The following PLPPR3 variants were observed in gnomAD, a reference collection of about 807,000 sequenced individuals.
The protein encoded by PLPPR3 is phospholipid phosphatase-related protein type 3.
PLPPR3 carries 14 observed loss-of-function variants against 27.3 expected under a neutral mutation model. That is an observed-to-expected ratio of 0.51 (90% CI 0.34 to 0.80). The LOEUF (loss-of-function observed/expected upper bound fraction) is 0.80, where lower values mean the gene tolerates loss of function less well. Ranked by LOEUF, PLPPR3 falls within the 30% of genes least tolerant of loss-of-function variation. The probability of loss-of-function intolerance (pLI) is 0.01; values close to 1 mark genes in which losing one functional copy is unlikely to be tolerated. For missense variants in PLPPR3, 1,287 were observed against 1,056.9 expected, an observed-to-expected ratio of 1.22 and a Z score of -3.02; for synonymous variants, 671 against 508.0, an observed-to-expected ratio of 1.32 and a Z score of -4.32.
At chr19:820,128 G>A (rs1345774057) in intron 2 of PLPPR3, among the ~76,000 whole-genome samples, 2 of 151,974 alleles carry the variant, frequency 1.3e-5, no homozygotes, top group Admixed American at 6.6e-5. Flanking sequence ...GATCACAGGC[G>A]TGAGCCACCA....
At chr19:822,153 G>C (rs1452239375), upstream of PLPPR3, among the ~76,000 whole-genome samples, 1 of 151,720 alleles carries the variant, frequency 6.6e-6, no homozygotes, top group Non-Finnish European at 1.5e-5. Context: ...GGGGGTCTCG[G>C]GGGTCTCAGG....
At position 812,818 on chromosome 19, in the gene PLPPR3, C is replaced by A. The variant is rs933075436; in HGVS notation, c.1909G>T (p.Val637Leu). 2 of 1,104,906 alleles carry A rather than the reference C, an allele frequency of 1.8e-6. No individual in the cohort carries two copies. Among genetic ancestry groups the A allele is most frequent in the Non-Finnish European group, 2.2e-6 (2 of 905,526 alleles). The allele number at this position is 1,104,906 out of a possible 1,614,324, so 68.4% of individuals were successfully genotyped here. The stretch of plus-strand genomic sequence containing the variant: ...TCGCTGACCGACGAGCCGGGGGACA[C>A]GCCCGGGGGCTTGGCCCCGCCGCGG... ...GFRGGAKPPG[V>L]SPGSSVSDVD... is the part of the protein sequence containing the mutation. The change falls in exon 8 of 8, where the codon GTG becomes TTG. Residue 637 changes from valine to leucine, a missense_variant. By Grantham distance (32) the Val-to-Leu change is conservative. Transcript: ENST00000520876.
chr19:813,049 A>C lies in PLPPR3; in HGVS notation c.1678T>G (p.Ser560Ala). ...TGCGAGGAGTCGGAGCTGGCGCTGG[A>C]CGACGACGCCGTCTCGGCCGCCTTG... ...GPKAAETASS[S>A]SASSDSSQYR... The change falls in exon 8 of 8, where the codon TCC becomes GCC. Residue 560 changes from serine (S) to alanine (A), a missense_variant. Ser to Ala is a moderately conservative substitution (Grantham distance 99). Transcript: ENST00000520876. This position sits in a 1 kb window ranked among gnomAD's most constrained non-coding sequence, Gnocchi z 4.1. The C allele has an allele frequency of 6.6e-7, 1 of 1,508,272 alleles. No homozygotes were observed. The highest frequency in any genetic ancestry group is 8.8e-7 in the Non-Finnish European group (1 of 1,137,980). 93.4% of individuals were successfully genotyped at this position (1,508,272 alleles called of 1,614,324 possible).
At chr19:815,892 C>G (rs748419103) in intron 2 of PLPPR3, 41 bp from the exon 3 acceptor site, 2 of 1,594,002 alleles carry the variant, frequency 1.3e-6, no homozygotes, top group African/African-American at 2.7e-5. Context: ...TGCTCTCCCT[C>G]GCGGAGGCGT....
At chr19:822,404 A>G (rs866871478), upstream of PLPPR3, among the ~76,000 whole-genome samples, 1 of 151,442 alleles carries the variant, frequency 6.6e-6, no homozygotes. Context: ...CCCTCCGCGG[A>G]GCCCGCCGCT....
At chr19:823,244 C>A (rs911312171), upstream of PLPPR3, among the ~76,000 whole-genome samples, 1 of 152,018 alleles carries the variant, frequency 6.6e-6, no homozygotes. Flanking sequence ...GAGTTCCAGA[C>A]CAGCCTGGCC....
At chr19:817,590 T>C (rs1206400843) in intron 2 of PLPPR3, among the ~76,000 whole-genome samples, 1 of 152,202 alleles carries the variant, frequency 6.6e-6, no homozygotes, top group African/African-American at 2.4e-5. Context: ...CCAGTCGTAA[T>C]TTCTGCCTTG....
At chr19:818,725 G>A (rs1318846973) in intron 2 of PLPPR3, among the ~76,000 whole-genome samples, 1 of 151,972 alleles carries the variant, frequency 6.6e-6, no homozygotes, top group African/African-American at 2.4e-5. Flanking sequence ...AGTAGAGACG[G>A]GGTTTCACCG....
At chr19:821,765 T>G in intron 1 of PLPPR3, 150 bp downstream of exon 1, 55 of 292,410 alleles carry the variant, frequency 1.9e-4, no homozygotes, top group Non-Finnish European at 2.5e-4. Flanking sequence ...ACACCCGGGA[T>G]CGGGGGGTCG....
At position 814,593 on chromosome 19, in the gene PLPPR3, C is replaced by G; in HGVS notation, c.672G>C (p.Ser224=). 1 of 1,612,072 alleles carries G rather than the reference C, an allele frequency of 6.2e-7. No individual in the cohort carries two copies. Among genetic ancestry groups the G allele is most frequent in the Non-Finnish European group, 8.5e-7 (1 of 1,179,988 alleles). ...GCAGCTTGGTGGTGTCCGAGATGACCGAGTTGAAGTACATCTGGGGCATGG... is the reference window on the plus strand; with the variant it reads ...GCAGCTTGGTGGTGTCCGAGATGACGGAGTTGAAGTACATCTGGGGCATGG... ...AAVYVSMYFN[S]VISDTTKLLK... is the part of the protein sequence containing the mutation. The change falls in exon 7 of 8, where the codon TCG becomes TCC. Residue 224 remains serine (S), a synonymous_variant. Coordinates refer to ENST00000520876, the MANE Select transcript of PLPPR3 (RefSeq NM_001270366.2).
At chr19:814,850 A>C (rs763422019) in intron 5 of PLPPR3, 36 bp downstream of exon 5, 6 of 1,595,380 alleles carry the variant, frequency 3.8e-6, no homozygotes, top group Admixed American at 1.7e-5. Flanking sequence ...GGGCGGAAGA[A>C]GGCTCCCAGT....
upstream of PLPPR3, among the ~76,000 whole-genome samples, chr19:823,067 C>G (rs1325885568): frequency 2.6e-5 from 4 of 151,240 alleles, no homozygotes; most frequent in East Asian, 7.8e-4. Flanking sequence ...TGCAGTGAGC[C>G]GAGATCGTGC....
chr19:821,530 G>A lies in PLPPR3; in HGVS notation c.30C>T (p.Ile10=). The A allele has an allele frequency of 6.6e-6, 10 of 1,508,468 alleles. No homozygotes were observed. Among genetic ancestry groups the A allele is most frequent in the African/African-American group, 1.5e-5 (1 of 68,866 alleles). 93.4% of individuals were successfully genotyped at this position (1,508,468 alleles called of 1,614,324 possible). The stretch of plus-strand genomic sequence containing the variant: ...GCAGAAGCGTCATGCTGTCCTTCGG[G>A]ATCTTGTTCTTCTCCTTGGTGGAGA... MISTKEKNK[I]PKDSMTLLPC... Residue 10 remains isoleucine (I), a synonymous_variant, in exon 2 of 8, where the codon ATC becomes ATT. Transcript: ENST00000520876.
chr19:818,185 C>T (rs939971177), intron 2 of PLPPR3, among the ~76,000 whole-genome samples: 1 of 152,060 alleles, frequency 6.6e-6, no homozygotes, highest in African/African-American at 2.4e-5. Context: ...GAGTTTGAGA[C>T]CAGCCTGGCC....
rs767810908 is a variant in PLPPR3, at chr19:813,533, C to T, written c.1194G>A (p.Pro398=). 18 of 1,561,744 alleles carry T rather than the reference C, an allele frequency of 1.2e-5. No homozygotes were observed. Among genetic ancestry groups the T allele is most frequent in the Non-Finnish European group, 1.6e-5 (18 of 1,155,584 alleles). The change falls in exon 8 of 8, where the codon CCG becomes CCA. Residue 398 remains proline, a synonymous_variant. Transcript: ENST00000520876. This position sits in a 1 kb window ranked among gnomAD's most constrained non-coding sequence, Gnocchi z 4.1. ...GCTGCTTGGAGCGCGAGGCGTCCAG[C>T]GGCACGTGGATGGTCATGTGGCGGC... ...PARRHMTIHV[P]LDASRSKQLI...
In PLPPR3 at chr19:813,655, G is replaced by A; in HGVS notation, c.1072C>T (p.Leu358=). ...SLKRASVDVD[L]LAPRSPMAKE... is the part of the protein sequence containing the mutation. ...GCCATGGGGCTGCGCGGGGCCAGCA[G>A]GTCCACGTCCACGCTGGCGCGCTTC... is the stretch of plus-strand genomic sequence containing the variant. The change falls in exon 8 of 8, where the codon CTG becomes TTG. Residue 358 remains leucine, a synonymous_variant. Coordinates refer to ENST00000520876, the MANE Select transcript of PLPPR3 (RefSeq NM_001270366.2). This position sits in a 1 kb window ranked among gnomAD's most constrained non-coding sequence, Gnocchi z 4.1. 1 of 1,537,086 alleles carries A rather than the reference G, an allele frequency of 6.5e-7. No individual in the cohort carries two copies. Among genetic ancestry groups the A allele is most frequent in the African/African-American group, 1.4e-5 (1 of 72,842 alleles).
At position 815,166 on chromosome 19, in the gene PLPPR3, G is replaced by T; in HGVS notation, c.403+20C>A. 6.2e-7 allele frequency: 1 copy of T among 1,602,288 alleles called. No individual in the cohort carries two copies. On this transcript the variant is annotated intron_variant, in intron 4 of 7. Coordinates refer to ENST00000520876, the MANE Select transcript of PLPPR3 (RefSeq NM_001270366.2). Reference sequence around the variant, plus strand: ...TGCATGTGGAGGTAGCTCAGGGTCGGGGCGCGTCCCGCAACTCACCCACAA... The same window carrying T: ...TGCATGTGGAGGTAGCTCAGGGTCGTGGCGCGTCCCGCAACTCACCCACAA...
At position 812,615 on chromosome 19, in the gene PLPPR3, G is replaced by GGCCTCC. The variant is rs904605825; in HGVS notation, c.2106_2111dup (p.Ala704_Glu705dup). On this transcript the variant is annotated inframe_insertion, in exon 8 of 8. Transcript: ENST00000520876. ...CCTGCATCTTGCGGAAGTAGCCCTC[G>GGCCTCC]GCCTCCGCCTCCGCCTCGCGCTCCG... is the stretch of plus-strand genomic sequence containing the variant. 111 of 1,107,112 alleles carry GGCCTCC rather than the reference G, an allele frequency of 1.0e-4. No homozygotes were observed. Among genetic ancestry groups the GGCCTCC allele is most frequent in the South Asian group, 2.7e-4 (13 of 49,006 alleles). 68.6% of individuals were successfully genotyped at this position (1,107,112 alleles called of 1,614,324 possible).
At position 812,900 on chromosome 19, in the gene PLPPR3, G is replaced by A. The variant is rs1313775388; in HGVS notation, c.1827C>T (p.Gly609=). ...GAPWEWKAAG[G]GAKAEADGGY... The stretch of plus-strand genomic sequence containing the variant: ...CGCCGTCGGCCTCCGCCTTGGCCCC[G>A]CCGCCCGCCGCCTTCCACTCCCAGG... The change falls in exon 8 of 8, where the codon GGC becomes GGT. Residue 609 remains glycine, a synonymous_variant. Transcript: ENST00000520876. The A allele has an allele frequency of 5.5e-6, 7 of 1,276,648 alleles. No individual in the cohort carries two copies. In the African/African-American group the frequency reaches 8.1e-5, roughly 15 times the overall value. 79.1% of individuals were successfully genotyped at this position (1,276,648 alleles called of 1,614,324 possible).
Sources: allele counts gnomAD v4.1 joint callset (sites outside exome capture counted in the v4.1 genomes callset), GRCh38; gene constraint gnomAD v4.1.1; non-coding constraint Gnocchi (gnomAD v3.1); transcripts MANE v1.5; gene names NCBI Gene and HGNC (gene_info 2026-07-23, HGNC 2026-07-21).